The following MED27 variants were observed in gnomAD, a reference collection of about 807,000 sequenced individuals.
MED27 encodes the protein mediator complex subunit 27, also known as mediator of RNA polymerase II transcription subunit 27.
Under a neutral mutation model 38.2 loss-of-function variants are expected in MED27, and 30 were observed. That is an observed-to-expected ratio of 0.79 (90% CI 0.59 to 1.07). The LOEUF (loss-of-function observed/expected upper bound fraction) is 1.07. MED27 is among the 50% of genes least tolerant of loss of function. The probability of loss-of-function intolerance (pLI) is 0.00; values close to 1 mark genes in which losing one functional copy is unlikely to be tolerated. For synonymous variants in MED27, 122 were observed against 153.5 expected (o/e 0.79, Z 1.52); for missense variants, 289 against 397.5 (o/e 0.73, Z 2.32).
At chr9:131,965,640 C>T (rs1831322001) in intron 3 of MED27, among the ~76,000 whole-genome samples, 1 of 152,166 alleles carries the variant, frequency 6.6e-6, no homozygotes, top group Admixed American at 6.5e-5. Flanking sequence ...TCTCTGGTGA[C>T]ACCACAGCAG....
intron 1 of MED27, 33 bp downstream of exon 1, chr9:132,079,609 T>TCCCCGACCCCGGC (rs748571754): frequency 1.2e-6 from 2 of 1,601,576 alleles, no homozygotes; most frequent in Non-Finnish European, 1.7e-6. Flanking sequence ...GCGGGGCCGG[T>TCCCCGACCCCGGC]CCCCGACCCC....
intron 3 of MED27, among the ~76,000 whole-genome samples, chr9:131,966,370 C>A (rs1487095976): frequency 2.6e-4 from 6 of 22,760 alleles, no homozygotes; most frequent in Non-Finnish European, 3.8e-4. Context: ...GGCAAAAGAG[C>A]CAGACCCTGT....
At chr9:131,967,521 C>T (rs1423619171) in intron 3 of MED27, among the ~76,000 whole-genome samples, 12 of 148,826 alleles carry the variant, frequency 8.1e-5, no homozygotes, top group East Asian at 3.9e-4. Context: ...GATGGAGTTT[C>T]GCTCTTGTTG....
chr9:131,979,955 T>C (rs938939934), intron 3 of MED27, among the ~76,000 whole-genome samples: 11 of 152,176 alleles, frequency 7.2e-5, no homozygotes, highest in Non-Finnish European at 1.3e-4. Context: ...TAAAGCATAA[T>C]AAAACTGTAT....
intron 6 of MED27, among the ~76,000 whole-genome samples, chr9:131,880,030 C>T (rs916548678): frequency 3.3e-5 from 5 of 152,258 alleles, no homozygotes; most frequent in African/African-American, 7.2e-5. Context: ...CACCTCTGCA[C>T]GTAGTGCAGG....
At chr9:131,930,903 T>G (rs1233760664) in intron 4 of MED27, among the ~76,000 whole-genome samples, 1 of 152,136 alleles carries the variant, frequency 6.6e-6, no homozygotes, top group Non-Finnish European at 1.5e-5. Flanking sequence ...CTTTTTGCCT[T>G]TTTTTTGTTT....
At chr9:132,075,740 T>C (rs1336870757) in intron 2 of MED27, among the ~76,000 whole-genome samples, 1 of 152,222 alleles carries the variant, frequency 6.6e-6, no homozygotes, top group African/African-American at 2.4e-5. Context: ...CTTGTCACTG[T>C]AGCCTATTTT....
chr9:131,901,475 G>A (rs749523322), intron 4 of MED27, among the ~76,000 whole-genome samples: 1 of 152,124 alleles, frequency 6.6e-6, no homozygotes, highest in Non-Finnish European at 1.5e-5. Flanking sequence ...ACATATGCCC[G>A]GAGTCACTGG....
At chr9:131,979,831 A>ATGGC (rs71374157) in intron 3 of MED27, among the ~76,000 whole-genome samples, 68,504 of 150,370 alleles carry the variant, frequency 0.46, 16,348 homozygotes, top group East Asian at 0.68. Context: ...TGAAAACAAG[A>ATGGC]TGGCTGGCTG....
At chr9:132,022,410 G>A (rs1289191257) in intron 2 of MED27, among the ~76,000 whole-genome samples, 8 of 152,136 alleles carry the variant, frequency 5.3e-5, no homozygotes, top group Middle Eastern at 3.2e-3. Context: ...CAGAAATGTA[G>A]GACATTAGTT....
chr9:132,060,088 G>A (rs1300816381), intron 2 of MED27, among the ~76,000 whole-genome samples: 1 of 152,208 alleles, frequency 6.6e-6, no homozygotes, highest in African/African-American at 2.4e-5. Context: ...ATGCTGCTGG[G>A]AAGTTGGTTT....
chr9:131,922,971 CAAGA>C (rs1830424348), intron 4 of MED27, among the ~76,000 whole-genome samples: 1 of 152,128 alleles, frequency 6.6e-6, no homozygotes, highest in African/African-American at 2.4e-5. Flanking sequence ...TCCGGCACAG[CAAGA>C]TGCTCTAGGC....
intron 2 of MED27, among the ~76,000 whole-genome samples, chr9:132,064,971 AG>A (rs1833777425): frequency 6.6e-6 from 1 of 152,228 alleles, no homozygotes; most frequent in Non-Finnish European, 1.5e-5. Context: ...TCTGTCGACC[AG>A]GAAGGTAGGG....
intron 6 of MED27, among the ~76,000 whole-genome samples, chr9:131,868,250 C>T (rs796173890): frequency 2.0e-5 from 3 of 152,232 alleles, no homozygotes; most frequent in African/African-American, 7.2e-5. Context: ...CATTTAATTC[C>T]CACACTAACT....
At position 132,034,237 on chromosome 9, in the gene MED27, A is replaced by G. The variant is rs577837627; in HGVS notation, c.349-19770T>C. 5.9e-5 allele frequency among the ~76,000 whole-genome samples: 9 copies of G among 152,348 alleles called. No individual in the cohort carries two copies. The East Asian group carries it at 1.2e-3, about 20-fold the overall frequency. On this transcript the variant is annotated intron_variant, in intron 2 of 7. Coordinates refer to ENST00000292035, the MANE Select transcript of MED27 (RefSeq NM_004269.4). ...CATTAGGTCTCATAAATATAAACAG[A>G]TCTGAAGCAGAAAACAAGTGATTAC... is the stretch of plus-strand genomic sequence containing the variant.
Position 131,889,533 on chromosome 9 carries a change from C to T in MED27, c.681+4352G>A, listed in dbSNP as rs576946284. On this transcript the variant is annotated intron_variant, in intron 5 of 7. Transcript: ENST00000292035. This position sits in a 1 kb window ranked among gnomAD's most constrained non-coding sequence, Gnocchi z 4.2. Reference sequence around the variant, plus strand: ...ATAAGTGGTTGGTAAGTCTGAAAAGCATTTTTATTTTATTAGAGGAATCAG... The same window carrying T: ...ATAAGTGGTTGGTAAGTCTGAAAAGTATTTTTATTTTATTAGAGGAATCAG... Among the ~76,000 whole-genome samples, 4 of 152,224 alleles carry T rather than the reference C, an allele frequency of 2.6e-5. No homozygotes were observed. The South Asian group carries it at 8.3e-4, about 32-fold the overall frequency.
At chr9:131,901,108 G>A (rs1447986634) in intron 4 of MED27, among the ~76,000 whole-genome samples, 1 of 129,216 alleles carries the variant, frequency 7.7e-6, no homozygotes, top group Non-Finnish European at 1.6e-5. Flanking sequence ...AGGGAGGGGG[G>A]AAGGAGGGGA....
intron 2 of MED27, among the ~76,000 whole-genome samples, chr9:132,022,429 C>T (rs575316972): frequency 1.3e-5 from 2 of 152,138 alleles, no homozygotes; most frequent in African/African-American, 2.4e-5. Flanking sequence ...TTTTTAAACA[C>T]GTACTTAAGG....
At chr9:131,961,270 AAC>A in intron 3 of MED27, among the ~76,000 whole-genome samples, 1 of 152,324 alleles carries the variant, frequency 6.6e-6, no homozygotes, top group Admixed American at 6.5e-5. Flanking sequence ...GCAAGAAGGC[AAC>A]ACAATGGCTG....
Sources: gnomAD v4.1 joint callset for allele counts (sites outside exome capture counted in the v4.1 genomes callset) on GRCh38, gnomAD v4.1.1 for gene constraint, Gnocchi (gnomAD v3.1) non-coding constraint, MANE v1.5 for transcripts, NCBI Gene and HGNC (gene_info 2026-07-23, HGNC 2026-07-21) for gene names.